BCOR: variants seen among roughly 807,000 people sequenced by gnomAD.
The protein encoded by BCOR is BCL-6 corepressor.
BCOR carries 10 observed loss-of-function variants against 86.7 expected under a neutral mutation model. That is an observed-to-expected ratio of 0.12 (90% CI 0.07 to 0.20). The LOEUF (loss-of-function observed/expected upper bound fraction) is 0.20, where lower values mean the gene tolerates loss of function less well. Among genes scored for constraint, BCOR ranks in the 10% least tolerant of loss-of-function variants. BCOR has a pLI of 1.00. For synonymous variants in BCOR, 611 were observed against 609.0 expected, an observed-to-expected ratio of 1.00 and a Z score of -0.05; for missense variants, 1,259 against 1,452.1, an observed-to-expected ratio of 0.87 and a Z score of 2.16.
At chrX:40,112,493 T>C (rs1482264406) in intron 1 of BCOR, among the ~76,000 whole-genome samples, 1 of 111,998 alleles carries the variant, frequency 8.9e-6, no homozygotes. Flanking sequence ...ATTATGTACA[T>C]TTTTTCCAGA....
intron 1 of BCOR, among the ~76,000 whole-genome samples, chrX:40,140,146 C>A (rs1280939137): frequency 1.8e-5 from 2 of 109,587 alleles, no homozygotes; most frequent in Non-Finnish European, 3.8e-5. Flanking sequence ...CACCATCAGA[C>A]CTTTGGCTTA....
At chrX:40,119,243 TG>T (rs1295201548) in intron 1 of BCOR, among the ~76,000 whole-genome samples, 15 of 106,084 alleles carry the variant, frequency 1.4e-4, no homozygotes, top group Admixed American at 7.0e-4. Flanking sequence ...GTTTGGGTGT[TG>T]TTTTTTTTTT....
intron 1 of BCOR, among the ~76,000 whole-genome samples, chrX:40,106,295 C>G (rs1184161480): frequency 9.0e-6 from 1 of 111,716 alleles, no homozygotes; most frequent in African/African-American, 3.2e-5. Context: ...AGAAAAGCCT[C>G]CCTACTCTAA....
intron 1 of BCOR, among the ~76,000 whole-genome samples, chrX:40,090,512 AGTCCC>A (rs1032610907): frequency 8.0e-5 from 9 of 112,371 alleles, no homozygotes; most frequent in Non-Finnish European, 1.7e-4. Flanking sequence ...ATTCCCCCCA[AGTCCC>A]GGGCACCGCT....
intron 1 of BCOR, among the ~76,000 whole-genome samples, chrX:40,103,795 T>C (rs957606653): frequency 1.8e-5 from 2 of 111,541 alleles, no homozygotes; most frequent in Non-Finnish European, 3.8e-5. Flanking sequence ...AATTTTTTTT[T>C]CCGCCATGCA....
chrX:40,105,828 C>T (rs1937169165), intron 1 of BCOR, among the ~76,000 whole-genome samples: 1 of 113,000 alleles, frequency 8.8e-6, no homozygotes, highest in Non-Finnish European at 1.9e-5. Flanking sequence ...GCCCGGGTCT[C>T]CTTTCGAAGG....
chrX:40,164,972 C>T (rs908606130), intron 1 of BCOR, among the ~76,000 whole-genome samples: 1 of 111,755 alleles, frequency 8.9e-6, no homozygotes, highest in Non-Finnish European at 1.9e-5. Context: ...CCCCTGATGC[C>T]CAGGCGGCCC....
chrX:40,091,320 A>G (rs927037433), intron 1 of BCOR, among the ~76,000 whole-genome samples: 2 of 112,597 alleles, frequency 1.8e-5, no homozygotes, highest in South Asian at 7.3e-4. Context: ...TCTGTGGTGC[A>G]TAATGAGATT....
chrX:40,135,465 A>G (rs1221321411), intron 1 of BCOR, among the ~76,000 whole-genome samples: 1 of 108,329 alleles, frequency 9.2e-6, no homozygotes. Flanking sequence ...TACTCGGCTC[A>G]CTGCAACCTC....
At chrX:40,135,624 A>C (rs1483882278) in intron 1 of BCOR, among the ~76,000 whole-genome samples, 1 of 111,207 alleles carries the variant, frequency 9.0e-6, no homozygotes, top group Non-Finnish European at 1.9e-5. Flanking sequence ...TCCTGACCTC[A>C]GGTAATCTGC....
chrX:40,066,182 A>G (rs1935192837), intron 6 of BCOR, among the ~76,000 whole-genome samples: 1 of 111,577 alleles, frequency 9.0e-6, no homozygotes, highest in Non-Finnish European at 1.9e-5. Flanking sequence ...ACCATGGAAT[A>G]CCACCCCAGG....
At chrX:40,083,071 G>A (rs768232805) in intron 1 of BCOR, among the ~76,000 whole-genome samples, 4 of 109,189 alleles carry the variant, frequency 3.7e-5, no homozygotes, top group Admixed American at 9.6e-5. Context: ...CGGGTGTCAA[G>A]GAAGGGAGGG....
Position 40,055,459 on chromosome X carries a change from G to A in BCOR, c.4650C>T (p.Leu1550=). Residue 1550 remains leucine, a synonymous_variant, in exon 12 of 15, where the codon CTC becomes CTT. Coordinates refer to ENST00000378444, the MANE Select transcript of BCOR (RefSeq NM_001123385.2). Reference sequence around the variant, plus strand: ...CCAAGGTGGGGTCAGCACCATAAGAGAGAAGTAGTCGGACAATTTCCAAGT... The same window carrying A: ...CCAAGGTGGGGTCAGCACCATAAGAAAGAAGTAGTCGGACAATTTCCAAGT... ...NDHLEIVRLL[L]SYGADPTLAT... is the part of the protein sequence containing the mutation. 8.3e-7 allele frequency: 1 copy of A among 1,211,610 alleles called. No individual in the cohort carries two copies. Among genetic ancestry groups the A allele is most frequent in the African/African-American group, 1.7e-5 (1 of 57,903 alleles).
At chrX:40,052,531 C>T (rs2146834440) in intron 14 of BCOR, 131 bp from the exon 15 acceptor site, 1 of 486,965 alleles carries the variant, frequency 2.1e-6, no homozygotes. Context: ...CCTCATTTCT[C>T]ACCATACCTA....
In BCOR at chrX:40,073,897, C is replaced by T. The variant is rs200050325; in HGVS notation, c.1449G>A (p.Pro483=). 4.3e-5 allele frequency: 52 copies of T among 1,211,110 alleles called. No homozygotes were observed. Among genetic ancestry groups the T allele is most frequent in the Non-Finnish European group, 4.8e-5 (43 of 895,408 alleles). The change falls in exon 4 of 15, where the codon CCG becomes CCA. Residue 483 remains proline (P), a synonymous_variant. Transcript: ENST00000378444. The part of the protein sequence containing the change: ...SGLVLSGSEI[P]KETLSPPGNG... ...TTCCTGGAGGAGATAGTGTTTCTTT[C>T]GGAATCTCACTTCCGGAGAGCACTA...
upstream of BCOR, among the ~76,000 whole-genome samples, chrX:40,100,981 ATATCT>A (rs937353995): frequency 5.5e-5 from 6 of 109,397 alleles, no homozygotes; most frequent in Admixed American, 2.9e-4. Flanking sequence ...GATTTCAAAA[ATATCT>A]TATTAAGGGA....
At chrX:40,096,378 G>A (rs1034689151) in intron 1 of BCOR, among the ~76,000 whole-genome samples, 5 of 112,239 alleles carry the variant, frequency 4.5e-5, no homozygotes, top group African/African-American at 1.6e-4. Context: ...GCTGAACATC[G>A]GGGAGGGAGA....
At chrX:40,177,273 A>C (rs1449507648) in exon 1 of BCOR, 1 of 111,679 alleles carries the variant, frequency 9.0e-6, no homozygotes, top group African/African-American at 3.3e-5. Flanking sequence ...AGCCTTGTCT[A>C]GTGTGACCCG....
intron 1 of BCOR, among the ~76,000 whole-genome samples, chrX:40,092,379 G>A (rs1936658887): frequency 9.0e-6 from 1 of 111,380 alleles, no homozygotes; most frequent in African/African-American, 3.3e-5. Context: ...TACCCTAGCC[G>A]GAGTTTACGT....
Sources: gnomAD v4.1 joint callset for allele counts (sites outside exome capture counted in the v4.1 genomes callset) on GRCh38, gnomAD v4.1.1 for gene constraint, MANE v1.5 for transcripts, NCBI Gene and HGNC (gene_info 2026-07-23, HGNC 2026-07-21) for gene names.